Variants in AFF4 observed in about 807,000 individuals in gnomAD.
AFF4 encodes AF4/FMR2 family member 4.
AFF4 carries 13 observed loss-of-function variants against 124.8 expected under a neutral mutation model. The observed-to-expected ratio is 0.10, with a 90% CI of 0.07 to 0.17. The LOEUF is 0.17. Among genes scored for constraint, AFF4 ranks in the 10% least tolerant of loss-of-function variants. The pLI is 1.00. For synonymous variants in AFF4, 477 were observed against 496.1 expected, an observed-to-expected ratio of 0.96 and a Z score of 0.51; for missense variants, 1,092 against 1,403.8, an observed-to-expected ratio of 0.78 and a Z score of 3.55.
intron 5 of AFF4, among the ~76,000 whole-genome samples, chr5:132,919,328 T>G (rs1204754413): frequency 6.6e-6 from 1 of 152,202 alleles, no homozygotes; most frequent in African/African-American, 2.4e-5. Flanking sequence ...ATTGGCACCA[T>G]GACAGACAAA....
At chr5:132,955,166 G>A (rs1212302000) in intron 1 of AFF4, among the ~76,000 whole-genome samples, 1 of 152,146 alleles carries the variant, frequency 6.6e-6, no homozygotes, top group Non-Finnish European at 1.5e-5. Flanking sequence ...TCTCCTCTCT[G>A]CTTCTTCTCT....
intron 5 of AFF4, among the ~76,000 whole-genome samples, chr5:132,908,578 C>T (rs986801477): frequency 2.6e-5 from 4 of 151,440 alleles, no homozygotes; most frequent in African/African-American, 9.7e-5. Flanking sequence ...TAGGTTCAAA[C>T]CACTGATTAG....
intron 5 of AFF4, among the ~76,000 whole-genome samples, chr5:132,922,360 A>G (rs1057351933): frequency 1.3e-5 from 2 of 152,026 alleles, no homozygotes; most frequent in Non-Finnish European, 1.5e-5. Flanking sequence ...CGTGAGTGCA[A>G]TGAGCCATGA....
At chr5:132,951,430 G>T (rs1225609465) in intron 1 of AFF4, among the ~76,000 whole-genome samples, 2 of 152,184 alleles carry the variant, frequency 1.3e-5, no homozygotes, top group African/African-American at 2.4e-5. Context: ...GTTGAAGGCT[G>T]CTGTGTACTT....
rs1759948775 is a variant in AFF4 at position 132,880,545 on chromosome 5, G to GTAGA, written c.*510_*513dup. 2.6e-6 allele frequency: 1 copy of GTAGA among 391,334 alleles called. No homozygotes were observed. Among genetic ancestry groups the GTAGA allele is most frequent in the African/African-American group, 2.1e-5 (1 of 48,452 alleles). 24.2% of individuals were successfully genotyped at this position (391,334 alleles called of 1,614,324 possible). A position where few individuals can be genotyped will look rare whatever the true frequency, so the allele number is the denominator to read the frequency against. ...TCAAATATCAGGTCAGGTAGCAGGT[G>GTAGA]TAGAAAGAATATGTCCTTATTTTAG... On this transcript the variant is annotated 3_prime_UTR_variant, in exon 21 of 21. Transcript: ENST00000265343.
chr5:132,902,758 C>T (rs982835562), intron 6 of AFF4, among the ~76,000 whole-genome samples: 14 of 152,080 alleles, frequency 9.2e-5, no homozygotes, highest in Admixed American at 3.9e-4. Context: ...AATTATATTG[C>T]TAAGTGACTT....
chr5:132,889,017 T>C, intron 14 of AFF4, 62 bp downstream of exon 14: 1 of 1,481,726 alleles, frequency 6.7e-7, no homozygotes, highest in Non-Finnish European at 9.4e-7. Flanking sequence ...TGAAAATGAG[T>C]TTCTTATATG....
intron 2 of AFF4, among the ~76,000 whole-genome samples, chr5:132,936,736 T>C (rs1292804131): frequency 6.6e-6 from 1 of 152,202 alleles, no homozygotes; most frequent in African/African-American, 2.4e-5. Flanking sequence ...ACCACATTTT[T>C]AAGAACACAG....
chr5:132,963,515 C>G lies in AFF4; in HGVS notation c.-261G>C. On this transcript the variant is annotated 5_prime_UTR_variant, in exon 1 of 21. Transcript: ENST00000265343. ...CCGCTCCATGACGGTCGGGCCCGGG[C>G]TGGGACAGCTGACTGAGGCGGCGGG... 1 of 398,004 alleles carries G rather than the reference C, an allele frequency of 2.5e-6. No individual in the cohort carries two copies. Among genetic ancestry groups the G allele is most frequent in the Non-Finnish European group, 4.4e-6 (1 of 225,648 alleles). The allele number at this position is 398,004 out of a possible 1,614,324, so 24.7% of individuals were successfully genotyped here.
rs1200926449 is a variant in AFF4, at chr5:132,879,401, G to C, written c.*1658C>G. 1.9e-5 allele frequency: 4 copies of C among 208,234 alleles called. No homozygotes were observed. Among genetic ancestry groups the C allele is most frequent in the Non-Finnish European group, 3.9e-5 (4 of 102,124 alleles). The allele number at this position is 208,234 out of a possible 1,614,324, so 12.9% of individuals were successfully genotyped here. A position where few individuals can be genotyped will look rare whatever the true frequency, so the allele number is the denominator to read the frequency against. ...ACTGAATGGATTCATTTTTGGAATGGGGAGAGGGACAAACTATTTTTCAAA... is the reference window on the plus strand; with the variant it reads ...ACTGAATGGATTCATTTTTGGAATGCGGAGAGGGACAAACTATTTTTCAAA... On this transcript the variant is annotated 3_prime_UTR_variant, in exon 21 of 21. Coordinates refer to ENST00000265343, the MANE Select transcript of AFF4 (RefSeq NM_014423.4).
At chr5:132,906,982 ATTGT>A (rs1450204678) in intron 5 of AFF4, among the ~76,000 whole-genome samples, 5 of 152,282 alleles carry the variant, frequency 3.3e-5, no homozygotes, top group African/African-American at 7.2e-5. Flanking sequence ...ACCCCCTCAA[ATTGT>A]TTATTGTCTT....
At chr5:132,913,355 T>C (rs149900245) in intron 5 of AFF4, among the ~76,000 whole-genome samples, 47 of 152,268 alleles carry the variant, frequency 3.1e-4, no homozygotes, top group African/African-American at 9.6e-4. Context: ...TAATAGATAA[T>C]TGATAGAATT....
chr5:132,945,239 GT>G (rs1446156598), intron 1 of AFF4: 1 of 152,228 alleles, frequency 6.6e-6, no homozygotes, highest in African/African-American at 2.4e-5. Flanking sequence ...TCATGTGGCA[GT>G]TTTAAATTAC....
intron 5 of AFF4, among the ~76,000 whole-genome samples, chr5:132,918,191 G>C (rs1043560567): frequency 6.6e-6 from 1 of 151,754 alleles, no homozygotes; most frequent in African/African-American, 2.4e-5. Context: ...CCAGGAGTTC[G>C]AGACTATCCT....
chr5:132,928,692 G>A (rs1280600874), intron 4 of AFF4, among the ~76,000 whole-genome samples: 3 of 152,102 alleles, frequency 2.0e-5, no homozygotes, highest in African/African-American at 7.2e-5. Context: ...ATTAAAATGA[G>A]AAATTTAACT....
Position 132,934,257 on chromosome 5 carries a change from G to C in AFF4, c.808C>G (p.Leu270Val), listed in dbSNP as rs1175967624. Residue 270 changes from leucine to valine, a missense_variant, in exon 3 of 21, where the codon CTG (leucine) becomes GTG (valine). By Grantham distance (32) the Leu-to-Val change is conservative (BLOSUM62 1). This residue lies in a region of AFF4 where 148 missense variants were observed against 196.3 expected (regional missense o/e 0.75). Transcript: ENST00000265343. ...MDGQESMEPK[L>V]SSEHYSSQSH... ...TGGCTGCTGTAGTGCTCAGAGGACA[G>C]CTTTGGTTCCATGGACTCCTGTCCG... 3 of 1,614,052 alleles carry C rather than the reference G, an allele frequency of 1.9e-6. No homozygotes were observed. The highest frequency in any genetic ancestry group is 2.7e-5 in the African/African-American group (2 of 74,926).
chr5:132,930,933 T>TACA (rs1761283894), intron 4 of AFF4, among the ~76,000 whole-genome samples: 1 of 78,564 alleles, frequency 1.3e-5, no homozygotes, highest in Non-Finnish European at 2.3e-5. Context: ...CTATCTCTAC[T>TACA]AAAAAAAAAA....
At chr5:132,940,348 G>A (rs114092138) in intron 1 of AFF4, among the ~76,000 whole-genome samples, 5,272 of 150,672 alleles carry the variant, frequency 0.035, 291 homozygotes, top group African/African-American at 0.12. Flanking sequence ...AATATAAAAA[G>A]AAATTATCCG....
chr5:132,889,197 C>T, intron 13 of AFF4, 24 bp from the exon 14 acceptor site: 2 of 1,527,394 alleles, frequency 1.3e-6, no homozygotes, highest in Non-Finnish European at 1.8e-6. Flanking sequence ...TATATAACTA[C>T]AATGAAAACC....
Sources: gnomAD v4.1 joint callset for allele counts (sites outside exome capture counted in the v4.1 genomes callset) on GRCh38, gnomAD v4.1.1 for gene constraint, gnomAD v4.1.1 regional missense constraint, MANE v1.5 for transcripts, NCBI Gene and HGNC (gene_info 2026-07-23, HGNC 2026-07-21) for gene names.